Variants in ADGB observed in about 807,000 individuals in gnomAD.
ADGB encodes the protein calpain-7-like protein.
Under a neutral mutation model 210.5 loss-of-function variants are expected in ADGB, and 172 were observed. The observed-to-expected ratio is 0.82, with a 90% CI of 0.72 to 0.93. ADGB has a LOEUF of 0.93. Ranked by LOEUF, ADGB falls within the 40% of genes least tolerant of loss-of-function variation. The pLI, the probability that ADGB is intolerant of heterozygous loss-of-function variation, is 0.00. For synonymous variants in ADGB, 658 were observed against 662.7 expected, an observed-to-expected ratio of 0.99 and a Z score of 0.11; for missense variants, 2,025 against 1,964.8, an observed-to-expected ratio of 1.03 and a Z score of -0.58.
intron 27 of ADGB, 101 bp from the exon 28 acceptor site, chr6:146,763,800 C>T (rs1777534183): frequency 2.9e-6 from 3 of 1,043,642 alleles, no homozygotes; most frequent in Non-Finnish European, 4.1e-6. Context: ...AAGAATTGAC[C>T]TATTCCTTTG....
At chr6:146,645,392 T>C (rs896121117) in intron 3 of ADGB, among the ~76,000 whole-genome samples, 1 of 152,072 alleles carries the variant, frequency 6.6e-6, no homozygotes, top group African/African-American at 2.4e-5. Flanking sequence ...CATTTTTAAA[T>C]AGCACTTATA....
At chr6:146,711,507 T>G (rs1483432090) in intron 13 of ADGB, among the ~76,000 whole-genome samples, 2 of 152,156 alleles carry the variant, frequency 1.3e-5, no homozygotes. Context: ...TTTCATGGTT[T>G]AAACCCTAAT....
At chr6:146,812,005 CT>C in intron 35 of ADGB, among the ~76,000 whole-genome samples, 1 of 152,226 alleles carries the variant, frequency 6.6e-6, no homozygotes, top group Admixed American at 6.5e-5. Context: ...ACTCTTTAAG[CT>C]TTTTCTATTT....
chr6:146,699,419 G>A (rs1012906353), intron 12 of ADGB, among the ~76,000 whole-genome samples: 2 of 152,128 alleles, frequency 1.3e-5, no homozygotes, highest in Non-Finnish European at 2.9e-5. Context: ...AAGGGCAGGA[G>A]AAGAAGGGCA....
chr6:146,683,227 G>T (rs371255898), intron 9 of ADGB, among the ~76,000 whole-genome samples: 1 of 152,008 alleles, frequency 6.6e-6, no homozygotes, highest in Non-Finnish European at 1.5e-5. Context: ...CCCAGTCTCA[G>T]GTATTTCATT....
chr6:146,807,345 TGGGA>T, intron 35 of ADGB: 2 of 1,506,094 alleles, frequency 1.3e-6, no homozygotes, highest in Admixed American at 2.3e-5. Flanking sequence ...TTTTTCTTTC[TGGGA>T]ACGTAAGCCT....
In ADGB at chr6:146,724,298, C is replaced by A; in HGVS notation, c.2208C>A (p.Thr736=). Residue 736 remains threonine, a synonymous_variant, in exon 18 of 36, where the codon ACC becomes ACA. Coordinates refer to ENST00000397944, the MANE Select transcript of ADGB (RefSeq NM_024694.4). ...SLVLKIHTYA[T]KATVVRLPVG... ...TTCTGAAGATTCACACATATGCTAC[C>A]AAGGCTACAGTGGTTCGTCTGCCTG... 6.5e-7 allele frequency: 1 copy of A among 1,548,864 alleles called. No homozygotes were observed. Among genetic ancestry groups the A allele is most frequent in the South Asian group, 1.2e-5 (1 of 83,470 alleles).
chr6:146,803,148 A>C, intron 35 of ADGB: 1 of 1,485,714 alleles, frequency 6.7e-7, no homozygotes, highest in Non-Finnish European at 9.4e-7. Flanking sequence ...AAGATCTTCT[A>C]TCCTCAACAA....
chr6:146,785,073 C>T (rs1020004290), intron 31 of ADGB, among the ~76,000 whole-genome samples: 6 of 152,128 alleles, frequency 3.9e-5, no homozygotes, highest in Non-Finnish European at 5.9e-5. Flanking sequence ...ATAGCCCTGG[C>T]TTTCTGCACG....
At chr6:146,804,390 T>G (rs962558779) in intron 35 of ADGB, among the ~76,000 whole-genome samples, 1 of 152,168 alleles carries the variant, frequency 6.6e-6, no homozygotes, top group African/African-American at 2.4e-5. Flanking sequence ...TTGACATCTC[T>G]TCTTGTTTGT....
intron 29 of ADGB, among the ~76,000 whole-genome samples, chr6:146,769,766 ATGT>A (rs1318264099): frequency 6.6e-6 from 1 of 152,216 alleles, no homozygotes; most frequent in African/African-American, 2.4e-5. Flanking sequence ...TAATATATGC[ATGT>A]TATTTTTAAA....
chr6:146,809,896 T>C (rs954059604), intron 35 of ADGB, among the ~76,000 whole-genome samples: 17 of 152,130 alleles, frequency 1.1e-4, no homozygotes, highest in African/African-American at 4.1e-4. Context: ...GACATTGGTC[T>C]TGGCAATTTC....
intron 27 of ADGB, among the ~76,000 whole-genome samples, chr6:146,757,662 T>A (rs1777427332): frequency 1.3e-5 from 2 of 151,806 alleles, no homozygotes; most frequent in Non-Finnish European, 2.9e-5. Flanking sequence ...TCTGTTCTGA[T>A]CCTTAGAATA....
intron 28 of ADGB, among the ~76,000 whole-genome samples, chr6:146,765,645 G>T (rs1777562206): frequency 6.6e-6 from 1 of 150,932 alleles, no homozygotes; most frequent in Admixed American, 6.6e-5. Flanking sequence ...AAGAATATTA[G>T]AAAATAAATT....
intron 2 of ADGB, among the ~76,000 whole-genome samples, chr6:146,637,333 C>G (rs1295811100): frequency 2.0e-5 from 3 of 151,984 alleles, no homozygotes; most frequent in Non-Finnish European, 4.4e-5. Context: ...GCAGTCAAAA[C>G]TTGAACCAAA....
chr6:146,770,045 G>T (rs1475038808), intron 29 of ADGB, among the ~76,000 whole-genome samples: 1 of 152,152 alleles, frequency 6.6e-6, no homozygotes, highest in Non-Finnish European at 1.5e-5. Flanking sequence ...AGAATGAGGA[G>T]TTTTGTCCAT....
intron 1 of ADGB, among the ~76,000 whole-genome samples, chr6:146,606,165 C>G (rs555992185): frequency 6.6e-6 from 1 of 152,210 alleles, no homozygotes; most frequent in Non-Finnish European, 1.5e-5. Flanking sequence ...TGGTATTTCT[C>G]TAATGATTAG....
At chr6:146,630,944 A>T (rs1409017599) in intron 1 of ADGB, among the ~76,000 whole-genome samples, 1 of 152,204 alleles carries the variant, frequency 6.6e-6, no homozygotes, top group East Asian at 1.9e-4. Flanking sequence ...ATATTGAAAG[A>T]ACATCTTCTC....
Position 146,700,932 on chromosome 6 carries a change from T to C in ADGB, c.1578-9T>C, listed in dbSNP as rs1043411285. On this transcript the variant is annotated splice_polypyrimidine_tract_variant and intron_variant, in intron 12 of 35. Transcript: ENST00000397944. ...ATAACAGAAGTTTGGGGTTTTGTTT[T>C]CCTTTTAGGCATTTTGTGCGCTCCT... 4.3e-5 allele frequency: 66 copies of C among 1,540,972 alleles called. No individual in the cohort carries two copies. In the East Asian group the frequency reaches 1.3e-3, roughly 30 times the overall value.
Sources: gnomAD v4.1 joint callset for allele counts (sites outside exome capture counted in the v4.1 genomes callset) on GRCh38, gnomAD v4.1.1 for gene constraint, MANE v1.5 for transcripts, NCBI Gene and HGNC (gene_info 2026-07-23, HGNC 2026-07-21) for gene names.